The following PKHD1 variants were observed in gnomAD, a reference collection of about 807,000 sequenced individuals.
The protein encoded by PKHD1 is fibrocystin.
A neutral mutation model predicts 412.0 loss-of-function variants in PKHD1; 291 were observed. The ratio of observed to expected loss-of-function variants is 0.71; its 90% confidence interval spans 0.64 to 0.78. PKHD1 has a LOEUF of 0.78. Ranked by LOEUF, PKHD1 falls within the 30% of genes least tolerant of loss-of-function variation. The pLI is 0.00. For missense variants in PKHD1, 4,825 were observed against 4,950.7 expected (o/e 0.97, Z 0.76); for synonymous variants, 1,777 against 1,821.5 (o/e 0.98, Z 0.62).
In PKHD1 at chr6:51,658,955, T is replaced by C; in HGVS notation, c.11171A>G (p.Tyr3724Cys). 6.2e-7 allele frequency: 1 copy of C among 1,604,048 alleles called. No homozygotes were observed. Among genetic ancestry groups the C allele is most frequent in the Non-Finnish European group, 8.5e-7 (1 of 1,171,002 alleles). ...LVTQSKGVIG[Y>C]GNTSSFKTGN... is the part of the protein sequence containing the mutation. ...TGTGAATATAATTAGTACTTACCCATAGCCAATGACTCCCTTTGACTGAGT... is the reference window on the plus strand; with the variant it reads ...TGTGAATATAATTAGTACTTACCCACAGCCAATGACTCCCTTTGACTGAGT... Residue 3724 changes from tyrosine (Y) to cysteine (C), a missense_variant, in exon 61 of 67, where the codon TAT becomes TGT. Transcript: ENST00000371117.
At chr6:51,980,144 G>A (rs181336437) in intron 35 of PKHD1, among the ~76,000 whole-genome samples, 9 of 152,250 alleles carry the variant, frequency 5.9e-5, no homozygotes, top group African/African-American at 1.4e-4. Context: ...TTTATTACCC[G>A]TATGTAACAA....
intron 37 of PKHD1, among the ~76,000 whole-genome samples, chr6:51,923,367 G>C (rs1432056019): frequency 1.3e-5 from 2 of 152,112 alleles, no homozygotes; most frequent in Non-Finnish European, 2.9e-5. Context: ...TGCCCTTATA[G>C]TGCAAAGCAG....
chr6:51,867,954 C>T lies in PKHD1; in HGVS notation c.7642G>A (p.Ala2548Thr), dbSNP rs745436873. The T allele has an allele frequency of 6.2e-6, 10 of 1,613,478 alleles. No homozygotes were observed. The South Asian group carries it at 9.9e-5, about 16-fold the overall frequency. ...HILASMETLS[A>T]SCLVNSSFGR... Reference sequence around the variant, plus strand: ...AAGCTTGAATTGACCAAACAAGAAGCTGAAAGGGTTTCCATAGAAGCAAGA... The same window carrying T: ...AAGCTTGAATTGACCAAACAAGAAGTTGAAAGGGTTTCCATAGAAGCAAGA... Residue 2548 changes from alanine (A) to threonine (T), a missense_variant, in exon 48 of 67, where the codon GCT becomes ACT. Transcript: ENST00000371117.
chr6:51,616,524 CTCATTTTTTTT>C lies in PKHD1; in HGVS notation c.*2546_*2556del, dbSNP rs2150230186. 2.6e-6 allele frequency: 1 copy of C among 389,716 alleles called. No homozygotes were observed. Among genetic ancestry groups the C allele is most frequent in the Non-Finnish European group, 4.5e-6 (1 of 221,996 alleles). 24.1% of individuals were successfully genotyped at this position (389,716 alleles called of 1,614,324 possible). A position where few individuals can be genotyped will look rare whatever the true frequency, so the allele number is the denominator to read the frequency against. On this transcript the variant is annotated 3_prime_UTR_variant, in exon 67 of 67. Coordinates refer to ENST00000371117, the MANE Select transcript of PKHD1 (RefSeq NM_138694.4). ...TTGCTTTTGGTGTTTCCCTAATTCT[CTCATTTTTTTT>C]TTTTTTTAGGAGAAAGAGGAGTAGC...
intron 60 of PKHD1, among the ~76,000 whole-genome samples, chr6:51,699,448 T>G (rs1312665348): frequency 2.0e-5 from 3 of 152,184 alleles, no homozygotes; most frequent in Admixed American, 1.3e-4. Context: ...TAGTCCACAG[T>G]GTACTTATCC....
At position 51,659,080 on chromosome 6, in the gene PKHD1, T is replaced by G. The variant is rs1486468797; in HGVS notation, c.11046A>C (p.Ser3682=). The G allele has an allele frequency of 3.1e-6, 5 of 1,613,704 alleles. No individual in the cohort carries two copies. Among genetic ancestry groups the G allele is most frequent in the Non-Finnish European group, 4.2e-6 (5 of 1,179,844 alleles). The change falls in exon 61 of 67, where the codon TCA becomes TCC. Residue 3682 remains serine (S), a synonymous_variant. Transcript: ENST00000371117. ...VRSTGMISSL[S]SNKLQNLAHR... is the part of the protein sequence containing the mutation. ...GAGCCAAATTCTGTAATTTGTTACT[T>G]GATAAGGATGAAATCATTCCAGTGC...
chr6:52,053,036 A>G (rs756351099), intron 21 of PKHD1, 40 bp downstream of exon 21: 2 of 1,597,642 alleles, frequency 1.3e-6, no homozygotes, highest in Non-Finnish European at 1.7e-6. Context: ...TGAGGTAGGC[A>G]TGTGACCGGC....
At chr6:51,686,839 T>G (rs1304600841) in intron 60 of PKHD1, among the ~76,000 whole-genome samples, 1 of 152,236 alleles carries the variant, frequency 6.6e-6, no homozygotes, top group Non-Finnish European at 1.5e-5. Flanking sequence ...AGATTGAAAT[T>G]GAACATTCAA....
chr6:51,967,960 A>G (rs1051886912), intron 35 of PKHD1, among the ~76,000 whole-genome samples: 15 of 152,160 alleles, frequency 9.9e-5, no homozygotes, highest in African/African-American at 3.6e-4. Flanking sequence ...ACAGGAGCGT[A>G]CTTTCCCTGC....
At position 51,982,820 on chromosome 6, in the gene PKHD1, AT is replaced by A. The variant is rs1262999241; in HGVS notation, c.5752-22795del. Reference sequence around the variant, plus strand: ...AGAATGATCAATAAAAAAAAAAATAATAATAATAAATAAAAAATAAAAAAAT... The same window carrying A: ...AGAATGATCAATAAAAAAAAAAATAAAATAATAAATAAAAAATAAAAAAAT... On this transcript the variant is annotated intron_variant, in intron 35 of 66. Transcript: ENST00000371117. 7.5e-5 allele frequency among the ~76,000 whole-genome samples: 11 copies of A among 146,216 alleles called. No individual in the cohort carries two copies. The East Asian group carries it at 7.9e-4, about 11-fold the overall frequency.
chr6:51,932,297 G>A (rs1245004508), intron 37 of PKHD1, among the ~76,000 whole-genome samples: 3 of 152,174 alleles, frequency 2.0e-5, no homozygotes, highest in Non-Finnish European at 4.4e-5. Context: ...TCACAATAGA[G>A]CATGATAATT....
At chr6:51,668,798 G>C (rs1224507755) in intron 60 of PKHD1, among the ~76,000 whole-genome samples, 1 of 152,200 alleles carries the variant, frequency 6.6e-6, no homozygotes, top group Non-Finnish European at 1.5e-5. Context: ...CATCTATTGA[G>C]ATAATCATGT....
intron 43 of PKHD1, among the ~76,000 whole-genome samples, chr6:51,899,699 T>A (rs1170943686): frequency 2.6e-5 from 4 of 152,104 alleles, no homozygotes; most frequent in Admixed American, 2.6e-4. Context: ...ATAAAGGGTA[T>A]TCAATTAGGA....
intron 65 of PKHD1, among the ~76,000 whole-genome samples, chr6:51,628,913 C>T (rs991047530): frequency 4.6e-5 from 7 of 152,098 alleles, no homozygotes; most frequent in Non-Finnish European, 1.0e-4. Flanking sequence ...TGAAGCTGCA[C>T]ACATACAACC....
chr6:51,925,472 T>TGTGTGC (rs1785427465), intron 37 of PKHD1, among the ~76,000 whole-genome samples: 1 of 152,044 alleles, frequency 6.6e-6, no homozygotes, highest in African/African-American at 2.4e-5. Context: ...TGTGTGTGTG[T>TGTGTGC]GTGTGTGTAG....
rs771361232 is a variant in PKHD1 at position 51,638,874 on chromosome 6, A to G, written c.11481T>C (p.Phe3827=). The G allele has an allele frequency of 1.9e-6, 3 of 1,610,982 alleles. No individual in the cohort carries two copies. The highest frequency in any genetic ancestry group is 2.2e-5 in the East Asian group (1 of 44,856). Residue 3827 remains phenylalanine (F), a synonymous_variant, in exon 64 of 67, where the codon TTT becomes TTC. Transcript: ENST00000371117. ...CTGGAGGAGAAGTGACAGTAAAAAT[A>G]AAGTGCCAGTTTGACCCAGAGATCA... ...AVLISGSNWH[F]IFTVTSPPGV...
At chr6:51,684,865 C>T (rs1777205280) in intron 60 of PKHD1, among the ~76,000 whole-genome samples, 2 of 152,174 alleles carry the variant, frequency 1.3e-5, no homozygotes, top group South Asian at 4.1e-4. Context: ...ATGTGCTTTC[C>T]ATTGGACTTG....
In PKHD1 at chr6:52,062,523, AAGGTT is replaced by A; in HGVS notation, c.1109_1113del (p.Gln370LeufsTer16). On this transcript the variant is annotated frameshift_variant, in exon 14 of 67. Transcript: ENST00000371117. LOFTEE classifies it high-confidence loss of function. ...CCCACTTTTCCTACAACATACCTGA[AAGGTT>A]GTCCTTCCTGTGACCAAAACCCAAA... is the stretch of plus-strand genomic sequence containing the variant. 6.2e-7 allele frequency: 1 copy of A among 1,614,022 alleles called. No individual in the cohort carries two copies. The highest frequency in any genetic ancestry group is 8.5e-7 in the Non-Finnish European group (1 of 1,179,912).
intron 61 of PKHD1, among the ~76,000 whole-genome samples, chr6:51,654,545 G>C (rs1470746949): frequency 6.6e-6 from 1 of 151,916 alleles, no homozygotes; most frequent in Non-Finnish European, 1.5e-5. Context: ...TTGATTTTAA[G>C]TTAGTGTCGT....
Sources: allele counts gnomAD v4.1 joint callset (sites outside exome capture counted in the v4.1 genomes callset), GRCh38; gene constraint gnomAD v4.1.1; transcripts MANE v1.5; gene names NCBI Gene and HGNC (gene_info 2026-07-23, HGNC 2026-07-21).